GRIP2: variants seen among roughly 807,000 people sequenced by gnomAD.
GRIP2 encodes glutamate receptor interacting protein 2.
Under a neutral mutation model 108.3 loss-of-function variants are expected in GRIP2, and 58 were observed. The observed-to-expected ratio is 0.54, with a 90% CI of 0.43 to 0.67. The LOEUF (loss-of-function observed/expected upper bound fraction) is 0.67, where lower values mean the gene tolerates loss of function less well. Among genes scored for constraint, GRIP2 ranks in the 30% least tolerant of loss-of-function variants. The pLI, the probability that GRIP2 is intolerant of heterozygous loss-of-function variation, is 0.00. For synonymous variants in GRIP2, 586 were observed against 598.2 expected, an observed-to-expected ratio of 0.98 and a Z score of 0.30; for missense variants, 1,278 against 1,430.6, an observed-to-expected ratio of 0.89 and a Z score of 1.72.
At position 14,511,143 on chromosome 3, in the gene GRIP2, G is replaced by A. The variant is rs768894530; in HGVS notation, c.1933+22C>T. ...TCAAAGGGTGGGCCTCTGGAGGTAG[G>A]AGGCCAGCATGAGGGCCATACCAGA... On this transcript the variant is annotated intron_variant, in intron 16 of 23. Transcript: ENST00000621039. This position sits in a 1 kb window ranked among gnomAD's most constrained non-coding sequence, Gnocchi z 4.1. 2 of 1,612,942 alleles carry A rather than the reference G, an allele frequency of 1.2e-6. No homozygotes were observed. The highest frequency in any genetic ancestry group is 2.2e-5 in the East Asian group (1 of 44,864).
chr3:14,589,495 A>T, the GRIP2 span, among the ~76,000 whole-genome samples: 1 of 152,174 alleles, frequency 6.6e-6, no homozygotes, highest in South Asian at 2.1e-4. Context: ...TTACCTGAAC[A>T]ATGTGACTGA....
chr3:14,548,464 T>C (rs1201883263), intron 1 of GRIP2, among the ~76,000 whole-genome samples: 3 of 152,046 alleles, frequency 2.0e-5, no homozygotes, highest in African/African-American at 7.2e-5. Context: ...CTCCCCCTTG[T>C]GGCTGGTAAT....
chr3:14,537,823 C>G (rs1358675631), intron 1 of GRIP2, among the ~76,000 whole-genome samples: 3 of 152,216 alleles, frequency 2.0e-5, no homozygotes, highest in Non-Finnish European at 2.9e-5. Flanking sequence ...CCCAGCATGG[C>G]AGCAAGTGCC....
intron 1 of GRIP2, among the ~76,000 whole-genome samples, chr3:14,538,237 A>G (rs941926400): frequency 2.6e-5 from 4 of 152,178 alleles, no homozygotes; most frequent in Non-Finnish European, 5.9e-5. Flanking sequence ...ATGTGGAGGT[A>G]TATGGCTGTC....
Position 14,524,454 on chromosome 3 carries a change from G to C in GRIP2, c.342C>G (p.Thr114=), listed in dbSNP as rs1196613392. ...CGCGCTCGCCCACATTCTTGAGCAG[G>C]GTGATGATCTCATCGTGGCGGAGCC... is the stretch of plus-strand genomic sequence containing the variant. The part of the protein sequence containing the change: ...LTRLRHDEII[T]LLKNVGERVV... The change falls in exon 4 of 24, where the codon ACC becomes ACG. Residue 114 remains threonine, a synonymous_variant. Transcript: ENST00000621039. 2 of 1,602,302 alleles carry C rather than the reference G, an allele frequency of 1.2e-6. No individual in the cohort carries two copies. The highest frequency in any genetic ancestry group is 1.7e-6 in the Non-Finnish European group (2 of 1,174,842).
At chr3:14,494,392 G>A (rs780684262) in intron 23 of GRIP2, among the ~76,000 whole-genome samples, 48 of 152,256 alleles carry the variant, frequency 3.2e-4, no homozygotes, top group Admixed American at 1.4e-3. Flanking sequence ...CCCAGTACAC[G>A]ATGTCCCACG....
At chr3:14,513,501 C>T (rs4685170) in intron 13 of GRIP2, among the ~76,000 whole-genome samples, 164 bp downstream of exon 13, 61,683 of 152,100 alleles carry the variant, frequency 0.41, 13,128 homozygotes, top group East Asian at 0.59. Context: ...TTCTCCCTCC[C>T]GTGCCAAGGC....
intron 3 of GRIP2, 110 bp downstream of exon 3, chr3:14,525,327 A>G: frequency 2.2e-6 from 3 of 1,344,796 alleles, no homozygotes; most frequent in Non-Finnish European, 3.1e-6. Flanking sequence ...TCCTGGAAAC[A>G]GCTGCCTGAT....
chr3:14,537,406 T>G (rs1175283739), intron 1 of GRIP2, among the ~76,000 whole-genome samples: 1 of 152,264 alleles, frequency 6.6e-6, no homozygotes, highest in Non-Finnish European at 1.5e-5. Flanking sequence ...CAACACCATC[T>G]AAATATTTAC....
At chr3:14,599,956 C>T in the GRIP2 span, among the ~76,000 whole-genome samples, 3 of 152,138 alleles carry the variant, frequency 2.0e-5, no homozygotes, top group African/African-American at 7.2e-5. Context: ...ACATGTGTCT[C>T]TCTTCAAGGA....
chr3:14,494,977 T>C lies in GRIP2; in HGVS notation c.2836A>G (p.Lys946Glu). 3 of 1,613,840 alleles carry C rather than the reference T, an allele frequency of 1.9e-6. No individual in the cohort carries two copies. The highest frequency in any genetic ancestry group is 2.5e-6 in the Non-Finnish European group (3 of 1,179,796). Residue 946 changes from lysine (K) to glutamate (E), a missense_variant, in exon 23 of 24, where the codon AAG becomes GAG. Lys to Glu is a moderately conservative substitution (Grantham distance 56). Transcript: ENST00000621039. ...PLEMHKVTLH[K>E]DPMRHDFGFS... ...CCAAAGTCATGCCGCATGGGGTCCT[T>C]GTGCAGGGTCACCTGGAAGCAGAAG...
the GRIP2 span, among the ~76,000 whole-genome samples, chr3:14,572,417 C>T: frequency 1.3e-5 from 2 of 151,354 alleles, no homozygotes; most frequent in Non-Finnish European, 2.9e-5. Flanking sequence ...TCGAGACCAT[C>T]CCGGCTAAAA....
intron 21 of GRIP2, among the ~76,000 whole-genome samples, chr3:14,501,448 C>T (rs915107209): frequency 6.6e-6 from 1 of 152,134 alleles, no homozygotes; most frequent in African/African-American, 2.4e-5. Context: ...AATAACCAAG[C>T]TCCAAGCATG....
chr3:14,555,034 T>TGAAGCCTGGGGTCAC (rs1225529186), intron 1 of GRIP2, among the ~76,000 whole-genome samples: 1 of 151,794 alleles, frequency 6.6e-6, no homozygotes, highest in Non-Finnish European at 1.5e-5. Flanking sequence ...GCAGCAAAGG[T>TGAAGCCTGGGGTCAC]GAAGCCTGGG....
At chr3:14,583,506 C>G in the GRIP2 span, among the ~76,000 whole-genome samples, 14 of 152,306 alleles carry the variant, frequency 9.2e-5, 1 homozygote, top group South Asian at 2.1e-3. Context: ...TGGGGCCTTC[C>G]CTGACCAGAG....
the GRIP2 span, among the ~76,000 whole-genome samples, chr3:14,563,082 T>C: frequency 6.6e-6 from 1 of 152,290 alleles, no homozygotes; most frequent in African/African-American, 2.4e-5. Context: ...CAACCAAATG[T>C]GGCAAGGGAC....
Position 14,494,855 on chromosome 3 carries a change from G to A in GRIP2, c.2958C>T (p.Asp986=). 2 of 1,613,170 alleles carry A rather than the reference G, an allele frequency of 1.2e-6. No individual in the cohort carries two copies. Among genetic ancestry groups the A allele is most frequent in the Non-Finnish European group, 1.7e-6 (2 of 1,179,366 alleles). Residue 986 remains aspartate, a synonymous_variant, in exon 23 of 24, where the codon GAC becomes GAT. Transcript: ENST00000621039. The part of the protein sequence containing the change: ...PAHRGGLQPF[D]RVLQVNHVRT... ...GCCCCAGCATTACCTGCAGGACCCT[G>A]TCGAAGGGCTGGAGGCCTCCACGGT...
the GRIP2 span, among the ~76,000 whole-genome samples, chr3:14,588,813 C>T: frequency 2.6e-5 from 4 of 152,118 alleles, no homozygotes; most frequent in African/African-American, 7.2e-5. Context: ...GTTTGAAGGG[C>T]CCCCCACACC....
chr3:14,517,251 G>A (rs372632518), intron 10 of GRIP2, 38 bp from the exon 11 acceptor site: 26 of 1,491,810 alleles, frequency 1.7e-5, no homozygotes, highest in East Asian at 5.0e-5. Context: ...AACCCCAGCC[G>A]AGGCTCTCCA....
Sources: gnomAD v4.1 joint callset for allele counts (sites outside exome capture counted in the v4.1 genomes callset) on GRCh38, gnomAD v4.1.1 for gene constraint, Gnocchi (gnomAD v3.1) non-coding constraint, MANE v1.5 for transcripts, NCBI Gene and HGNC (gene_info 2026-07-23, HGNC 2026-07-21) for gene names.